NUBP1: variants seen among roughly 807,000 people sequenced by gnomAD.
The protein encoded by NUBP1 is cytosolic Fe-S cluster assembly factor NUBP1.
Under a neutral mutation model 41.8 loss-of-function variants are expected in NUBP1, and 46 were observed. The ratio of observed to expected loss-of-function variants is 1.10; its 90% CI spans 0.87 to 1.41. The LOEUF is 1.41. Ranked by LOEUF, NUBP1 falls within the 40% of genes most tolerant of loss-of-function variation. The pLI is 0.00. For missense variants in NUBP1, 494 were observed against 414.0 expected (o/e 1.19, Z -1.68); for synonymous variants, 189 against 154.6 (o/e 1.22, Z -1.65).
Position 10,753,839 on chromosome 16 carries a change from G to A in NUBP1, c.327+1161G>A, listed in dbSNP as rs114590292. On this transcript the variant is annotated intron_variant, in intron 4 of 10. Coordinates refer to ENST00000283027, the MANE Select transcript of NUBP1 (RefSeq NM_002484.4). Reference sequence around the variant, plus strand: ...GGCTAAGGGAGCAACTGCATGGGCCGCTGACACAAGGTGTCCTTGTGTCCT... The same window carrying A: ...GGCTAAGGGAGCAACTGCATGGGCCACTGACACAAGGTGTCCTTGTGTCCT... Among the ~76,000 whole-genome samples the A allele has an allele frequency of 5.9e-3, 905 of 152,186 alleles. 7 individuals are homozygous for A. The highest frequency in any genetic ancestry group is 0.021 in the African/African-American group (860 of 41,508).
chr16:10,759,181 A>G lies in NUBP1; in HGVS notation c.606+1154A>G, dbSNP rs1169900433. On this transcript the variant is annotated intron_variant, in intron 7 of 10. Transcript: ENST00000283027. The surrounding 1 kb of genome is among the most constrained non-coding windows in gnomAD (Gnocchi z 4.7). ...ACATGCCGGGCACCAGGGCAGTAAA[A>G]AGGCCTGGCTCTCCCTGGTGGCCCC... 6.6e-6 allele frequency among the ~76,000 whole-genome samples: 1 copy of G among 152,206 alleles called. No homozygotes were observed. The highest frequency in any genetic ancestry group is 2.4e-5 in the African/African-American group (1 of 41,456).
In NUBP1 at chr16:10,744,046, G is replaced by C. The variant is rs771702602; in HGVS notation, c.105G>C (p.Ala35=). ...CPNQRLCASG[A]GATPDTAIEE... is the part of the protein sequence containing the mutation. ...ACCAGCGGCTGTGCGCTTCTGGAGC[G>C]GGGGCCACTCCGGACACGGGTGAGA... Residue 35 remains alanine (A), a synonymous_variant, in exon 2 of 11, where the codon GCG becomes GCC. Coordinates refer to ENST00000283027, the MANE Select transcript of NUBP1 (RefSeq NM_002484.4). 41 of 1,582,508 alleles carry C rather than the reference G, an allele frequency of 2.6e-5. No individual in the cohort carries two copies. The highest frequency in any genetic ancestry group is 9.6e-5 in the African/African-American group (7 of 73,192).
chr16:10,757,415 AGT>A lies in NUBP1; in HGVS notation c.452-455_452-454del, dbSNP rs1900631750. On this transcript the variant is annotated intron_variant, in intron 6 of 10. Coordinates refer to ENST00000283027, the MANE Select transcript of NUBP1 (RefSeq NM_002484.4). The surrounding 1 kb of genome is among the most constrained non-coding windows in gnomAD (Gnocchi z 4.1). ...CTGAGACTTAAGGTAATAATGTGAA[AGT>A]GTTATCAGGGCAAGCTTTAGCCTCA... is the stretch of plus-strand genomic sequence containing the variant. Among the ~76,000 whole-genome samples the A allele has an allele frequency of 6.6e-6, 1 of 152,164 alleles. No individual in the cohort carries two copies. Among genetic ancestry groups the A allele is most frequent in the South Asian group, 2.1e-4 (1 of 4,828 alleles).
chr16:10,747,289 G>C lies in NUBP1; in HGVS notation c.258+13G>C. 1 of 1,611,864 alleles carries C rather than the reference G, an allele frequency of 6.2e-7. No individual in the cohort carries two copies. On this transcript the variant is annotated intron_variant, in intron 3 of 10. Coordinates refer to ENST00000283027, the MANE Select transcript of NUBP1 (RefSeq NM_002484.4). ...TGAAAACACACAGGTGAGACCTCAG[G>C]AACCACTGGGAGATGCTCATTTTGT...
intron 3 of NUBP1, among the ~76,000 whole-genome samples, chr16:10,751,813 C>T (rs928404001): frequency 1.3e-5 from 2 of 152,212 alleles, no homozygotes; most frequent in African/African-American, 4.8e-5. Flanking sequence ...GAAAACAGGG[C>T]TTGGTCAGGG....
At chr16:10,755,849 G>A in intron 5 of NUBP1, 96 bp downstream of exon 5, 1 of 1,186,402 alleles carries the variant, frequency 8.4e-7, no homozygotes, top group Non-Finnish European at 1.2e-6. Flanking sequence ...ATTTATTAGG[G>A]TACTTTTCGA....
chr16:10,752,306 C>G (rs1406524786), intron 3 of NUBP1, among the ~76,000 whole-genome samples: 1 of 152,170 alleles, frequency 6.6e-6, no homozygotes, highest in Non-Finnish European at 1.5e-5. Flanking sequence ...CCCGTCTCCT[C>G]CAACCAGGGC....
chr16:10,757,934 C>T lies in NUBP1; in HGVS notation c.513C>T (p.Asp171=), dbSNP rs1900670730. ...DWGEVDYLIV[D]TPPGTSDEHL... ...GAGAGGTCGACTACCTCATTGTGGA[C>T]ACCCCACCTGGGACGTCGGATGAAC... The change falls in exon 7 of 11, where the codon GAC becomes GAT. Residue 171 remains aspartate, a synonymous_variant. Transcript: ENST00000283027. The surrounding 1 kb of genome is among the most constrained non-coding windows in gnomAD (Gnocchi z 4.1). 2 of 1,613,976 alleles carry T rather than the reference C, an allele frequency of 1.2e-6. No homozygotes were observed. Among genetic ancestry groups the T allele is most frequent in the Non-Finnish European group, 1.7e-6 (2 of 1,180,026 alleles).
At chr16:10,745,082 CAG>C (rs1336208192) in intron 2 of NUBP1, among the ~76,000 whole-genome samples, 1 of 150,930 alleles carries the variant, frequency 6.6e-6, no homozygotes, top group African/African-American at 2.4e-5. Context: ...TGAAGGAGTT[CAG>C]AGAGAGACTT....
chr16:10,757,810 A>C lies in NUBP1; in HGVS notation c.452-63A>C. On this transcript the variant is annotated intron_variant, in intron 6 of 10. Transcript: ENST00000283027. This position sits in a 1 kb window ranked among gnomAD's most constrained non-coding sequence, Gnocchi z 4.1. ...AGACCCCATCCTTTAAAAAAAAAAG[A>C]GGGAGTTGAAAGTACAGAAAAGAAA... 3.9e-6 allele frequency: 6 copies of C among 1,553,598 alleles called. No homozygotes were observed. In the South Asian group the frequency reaches 7.0e-5, roughly 18 times the overall value.
intron 3 of NUBP1, among the ~76,000 whole-genome samples, chr16:10,750,485 G>A (rs942741889): frequency 1.3e-5 from 2 of 151,976 alleles, no homozygotes; most frequent in African/African-American, 2.4e-5. Flanking sequence ...CAGGTGATCC[G>A]CCTGCCTCAA....
At chr16:10,764,983 C>A in intron 9 of NUBP1, 2 of 165,592 alleles carry the variant, frequency 1.2e-5, no homozygotes, top group Non-Finnish European at 2.7e-5. Context: ...CATTCCTGAG[C>A]CCACTTACCC....
At chr16:10,752,743 T>G (rs1320091278) in intron 4 of NUBP1, 65 bp downstream of exon 4, 1 of 1,338,650 alleles carries the variant, frequency 7.5e-7, no homozygotes, top group Non-Finnish European at 1.1e-6. Flanking sequence ...CACTGAACTG[T>G]CAAACCTCAA....
At chr16:10,744,963 G>A (rs1429209612) in intron 2 of NUBP1, among the ~76,000 whole-genome samples, 1 of 151,584 alleles carries the variant, frequency 6.6e-6, no homozygotes, top group East Asian at 2.0e-4. Flanking sequence ...TCACCATGTT[G>A]ACCAGGTTGG....
At chr16:10,761,226 A>T in intron 7 of NUBP1, 138 bp from the exon 8 acceptor site, 1 of 695,096 alleles carries the variant, frequency 1.4e-6, no homozygotes, top group Non-Finnish European at 2.4e-6. Flanking sequence ...GGGGACACAG[A>T]GCCAAACCCT....
Position 10,758,018 on chromosome 16 carries a change from CA to C in NUBP1, c.598del (p.Thr200LeufsTer20). On this transcript the variant is annotated frameshift_variant, in exon 7 of 11. Coordinates refer to ENST00000283027, the MANE Select transcript of NUBP1 (RefSeq NM_002484.4). LOFTEE classifies it high-confidence loss of function. ...ACATCGATGGAGCAGTGATCATCAC[CA>C]CTCCCCAGGTGAGCGAGCTGCCAGC... ...AHIDGAVIIT[T>X]PQEVSLQDVR... 1 of 1,613,674 alleles carries C rather than the reference CA, an allele frequency of 6.2e-7. No homozygotes were observed. Among genetic ancestry groups the C allele is most frequent in the Non-Finnish European group, 8.5e-7 (1 of 1,179,682 alleles).
rs2142674926 is a variant in NUBP1 at position 10,749,137 on chromosome 16, A to G, written c.258+1861A>G. On this transcript the variant is annotated intron_variant, in intron 3 of 10. Transcript: ENST00000283027. The surrounding 1 kb of genome is among the most constrained non-coding windows in gnomAD (Gnocchi z 4.1). ...GATACACAGACACATACACACACACACACACACACACACACACACACACAC... is the reference window on the plus strand; with the variant it reads ...GATACACAGACACATACACACACACGCACACACACACACACACACACACAC... 7.0e-6 allele frequency among the ~76,000 whole-genome samples: 1 copy of G among 142,844 alleles called. No homozygotes were observed. Among genetic ancestry groups the G allele is most frequent in the East Asian group, 2.0e-4 (1 of 5,126 alleles). 93.7% of individuals were successfully genotyped at this position (142,844 alleles called of 152,430 possible). A position where few individuals can be genotyped will look rare whatever the true frequency, so the allele number is the denominator to read the frequency against.
rs749394368 is a variant in NUBP1 at position 10,769,049 on chromosome 16, A to T, written c.907A>T (p.Ile303Phe). Residue 303 changes from isoleucine (I) to phenylalanine (F), a missense_variant and splice_region_variant, in exon 11 of 11, where the codon ATC (isoleucine) becomes TTC (phenylalanine). Transcript: ENST00000283027. ...TLAYRSIIQR[I>F]QEFCNLHQSK... ...ATGCCTGTCGTCTTGTTTTCCAGGA[A>T]TCCAAGAGTTTTGTAATCTCCATCA... is the stretch of plus-strand genomic sequence containing the variant. 3.7e-6 allele frequency: 6 copies of T among 1,614,050 alleles called. No homozygotes were observed. The East Asian group carries it at 1.3e-4, about 36-fold the overall frequency.
chr16:10,754,431 T>TG (rs1485190597), intron 4 of NUBP1, among the ~76,000 whole-genome samples: 4 of 151,760 alleles, frequency 2.6e-5, no homozygotes, highest in African/African-American at 9.7e-5. Flanking sequence ...TTAGTAGAGT[T>TG]GGGGTTTCAC....
Sources: allele counts gnomAD v4.1 joint callset (sites outside exome capture counted in the v4.1 genomes callset), GRCh38; gene constraint gnomAD v4.1.1; non-coding constraint Gnocchi (gnomAD v3.1); transcripts MANE v1.5; gene names NCBI Gene and HGNC (gene_info 2026-07-23, HGNC 2026-07-21).